The following CDK7 variants were observed in gnomAD, a reference collection of about 807,000 sequenced individuals.
CDK7 encodes cyclin dependent kinase 7, also known as cyclin-dependent kinase 7.
A neutral mutation model predicts 49.1 loss-of-function variants in CDK7; 25 were observed. That is an observed-to-expected ratio of 0.51 (90% confidence interval 0.37 to 0.71). The LOEUF (loss-of-function observed/expected upper bound fraction) is 0.71. CDK7 is among the 30% of genes least tolerant of loss of function. The pLI, the probability that CDK7 is intolerant of heterozygous loss-of-function variation, is 0.00. For synonymous variants in CDK7, 107 were observed against 140.0 expected, an observed-to-expected ratio of 0.76 and a Z score of 1.67; for missense variants, 316 against 411.7, an observed-to-expected ratio of 0.77 and a Z score of 2.01.
chr5:69,239,917 G>A (rs1749257013), intron 2 of CDK7, among the ~76,000 whole-genome samples: 1 of 144,226 alleles, frequency 6.9e-6, no homozygotes, highest in Non-Finnish European at 1.5e-5. Context: ...TTTCTATATT[G>A]GCCAGGCTGG....
chr5:69,274,241 G>A (rs1268333356), intron 10 of CDK7, among the ~76,000 whole-genome samples: 1 of 152,294 alleles, frequency 6.6e-6, no homozygotes, highest in African/African-American at 2.4e-5. Context: ...TTTCATGGAT[G>A]TCTTTATTAA....
intron 2 of CDK7, among the ~76,000 whole-genome samples, chr5:69,251,502 C>T (rs1482805552): frequency 1.3e-5 from 2 of 152,024 alleles, no homozygotes; most frequent in South Asian, 2.1e-4. Context: ...ACCCAGGCCT[C>T]CCAAAATACT....
rs570652550 is a variant in CDK7, at chr5:69,255,655, A to G, written c.297+127A>G. The G allele has an allele frequency of 3.2e-5, 25 of 772,230 alleles. 1 individual carries two copies. Among genetic ancestry groups the G allele is most frequent in the South Asian group, 3.0e-4 (22 of 72,560 alleles). The allele number at this position is 772,230 out of a possible 1,614,324, so 47.8% of individuals were successfully genotyped here. On this transcript the variant is annotated intron_variant, in intron 5 of 11. Transcript: ENST00000256443. ...AAAGCTTAATTTTGTTGAAATTTGGATGTACTCTGAGGCAAAAGGATCTCT... is the reference window on the plus strand; with the variant it reads ...AAAGCTTAATTTTGTTGAAATTTGGGTGTACTCTGAGGCAAAAGGATCTCT...
At chr5:69,276,754 G>T (rs918564930) in intron 11 of CDK7, 64 bp downstream of exon 11, 2 of 1,357,980 alleles carry the variant, frequency 1.5e-6, no homozygotes, top group Non-Finnish European at 2.1e-6. Flanking sequence ...CTCGTGTATG[G>T]CTAGCGACTG....
At chr5:69,265,755 C>G (rs1176099718) in intron 8 of CDK7, among the ~76,000 whole-genome samples, 1 of 151,944 alleles carries the variant, frequency 6.6e-6, no homozygotes, top group Non-Finnish European at 1.5e-5. Context: ...ACCAAAAATA[C>G]AAAAATTAGC....
chr5:69,263,638 A>C (rs969563319), intron 8 of CDK7, among the ~76,000 whole-genome samples: 2 of 152,264 alleles, frequency 1.3e-5, no homozygotes, highest in African/African-American at 2.4e-5. Context: ...TATGGGAATC[A>C]CAGTGCTAAC....
At chr5:69,250,257 CTA>C (rs2150198498) in intron 2 of CDK7, among the ~76,000 whole-genome samples, 1 of 152,274 alleles carries the variant, frequency 6.6e-6, no homozygotes, top group Non-Finnish European at 1.5e-5. Context: ...GTGTTGCAAT[CTA>C]TGTCTTTGGT....
chr5:69,251,161 G>A (rs1326550911), intron 2 of CDK7, among the ~76,000 whole-genome samples: 1 of 149,188 alleles, frequency 6.7e-6, no homozygotes, highest in South Asian at 2.1e-4. Flanking sequence ...GCAGTGGCAC[G>A]ATCTCGGCTC....
At chr5:69,240,863 GTGATCTGCCTGCC>G (rs1347471251) in intron 2 of CDK7, among the ~76,000 whole-genome samples, 1 of 152,168 alleles carries the variant, frequency 6.6e-6, no homozygotes, top group African/African-American at 2.4e-5. Flanking sequence ...CTGACCTCAA[GTGATCTGCCTGCC>G]TTGGCCTCCC....
intron 8 of CDK7, among the ~76,000 whole-genome samples, chr5:69,268,624 G>A (rs1247601684): frequency 2.6e-5 from 4 of 151,588 alleles, no homozygotes; most frequent in East Asian, 1.9e-4. Flanking sequence ...AGGCCGAGGC[G>A]GGCAAATCAC....
intron 5 of CDK7, among the ~76,000 whole-genome samples, chr5:69,257,655 A>G (rs1321675810): frequency 6.6e-6 from 1 of 152,202 alleles, no homozygotes; most frequent in Non-Finnish European, 1.5e-5. Flanking sequence ...CAGTGTGATA[A>G]TGGGGATGCC....
chr5:69,235,147 G>C, intron 1 of CDK7, 106 bp downstream of exon 1: 2 of 1,119,652 alleles, frequency 1.8e-6, no homozygotes, highest in Non-Finnish European at 2.6e-6. Flanking sequence ...TTGGCTGCTC[G>C]TTCTCGTTGG....
In CDK7 at chr5:69,259,947, C is replaced by A; in HGVS notation, c.527+11C>A. On this transcript the variant is annotated intron_variant, in intron 7 of 11. Transcript: ENST00000256443. The stretch of plus-strand genomic sequence containing the variant: ...TCAGGTTGTAACCAGGTAAGAATCT[C>A]TTAAAGCTACATGTGCAGGAGTTTG... 6.7e-7 allele frequency: 1 copy of A among 1,484,972 alleles called. No individual in the cohort carries two copies. Among genetic ancestry groups the A allele is most frequent in the Non-Finnish European group, 9.4e-7 (1 of 1,063,080 alleles). 92.0% of individuals were successfully genotyped at this position (1,484,972 alleles called of 1,614,324 possible).
chr5:69,267,155 A>G (rs1321610824), intron 8 of CDK7, among the ~76,000 whole-genome samples: 3 of 152,128 alleles, frequency 2.0e-5, no homozygotes, highest in Non-Finnish European at 2.9e-5. Flanking sequence ...GCCTCTATCT[A>G]TACTCATCAA....
intron 2 of CDK7, 67 bp from the exon 3 acceptor site, chr5:69,252,351 T>C: frequency 1.1e-6 from 1 of 940,438 alleles, no homozygotes; most frequent in Non-Finnish European, 1.7e-6. Flanking sequence ...TATTTACACA[T>C]TATTCATTGA....
At chr5:69,249,952 C>G (rs1190937493) in intron 2 of CDK7, among the ~76,000 whole-genome samples, 1 of 152,198 alleles carries the variant, frequency 6.6e-6, no homozygotes, top group Non-Finnish European at 1.5e-5. Flanking sequence ...TTGAATTTAC[C>G]TGATAGGATT....
chr5:69,262,960 T>G (rs1326796415), intron 8 of CDK7, among the ~76,000 whole-genome samples: 1 of 152,198 alleles, frequency 6.6e-6, no homozygotes, highest in African/African-American at 2.4e-5. Context: ...CTGTTTTAAG[T>G]GCGCTTTAGG....
chr5:69,269,169 AACC>A, intron 8 of CDK7, 35 bp from the exon 9 acceptor site: 1 of 1,354,226 alleles, frequency 7.4e-7, no homozygotes, highest in Non-Finnish European at 1.0e-6. Context: ...AAAAAAAAAA[AACC>A]CACCTTGAAA....
At chr5:69,266,727 G>A (rs534885327) in intron 8 of CDK7, among the ~76,000 whole-genome samples, 4 of 151,044 alleles carry the variant, frequency 2.6e-5, no homozygotes, top group South Asian at 2.1e-4. Context: ...AAAAGGAACC[G>A]ATGGATATGA....
Sources: gnomAD v4.1 joint callset for allele counts (sites outside exome capture counted in the v4.1 genomes callset) on GRCh38, gnomAD v4.1.1 for gene constraint, MANE v1.5 for transcripts, NCBI Gene and HGNC (gene_info 2026-07-23, HGNC 2026-07-21) for gene names.